HIPK3: variants seen among roughly 807,000 people sequenced by gnomAD.
HIPK3 encodes homeodomain-interacting protein kinase 3.
Under a neutral mutation model 124.2 loss-of-function variants are expected in HIPK3, and 47 were observed. The ratio of observed to expected loss-of-function variants is 0.38; its 90% confidence interval spans 0.30 to 0.48. The LOEUF (loss-of-function observed/expected upper bound fraction) is 0.48, where lower values mean the gene tolerates loss of function less well. Among genes scored for constraint, HIPK3 ranks in the 20% least tolerant of loss-of-function variants. HIPK3 has a pLI of 0.98. For missense variants in HIPK3, 1,286 were observed against 1,454.3 expected, an observed-to-expected ratio of 0.88 and a Z score of 1.88; for synonymous variants, 482 against 515.2, an observed-to-expected ratio of 0.94 and a Z score of 0.87.
chr11:33,300,902 AT>A (rs1353819400), intron 2 of HIPK3, among the ~76,000 whole-genome samples: 2 of 152,058 alleles, frequency 1.3e-5, no homozygotes. Flanking sequence ...TGCCTGTCTA[AT>A]TTTTGTATTG....
chr11:33,344,536 T>A (rs1853437814), intron 8 of HIPK3, among the ~76,000 whole-genome samples: 1 of 152,228 alleles, frequency 6.6e-6, no homozygotes, highest in Admixed American at 6.5e-5. Context: ...TCTTTTTATA[T>A]GGCTTATAAT....
At chr11:33,290,518 A>G (rs1027385218) in intron 2 of HIPK3, among the ~76,000 whole-genome samples, 4 of 151,570 alleles carry the variant, frequency 2.6e-5, no homozygotes, top group African/African-American at 7.3e-5. Context: ...CTTGGGCCCT[A>G]TATTTAGTTC....
intron 13 of HIPK3, 131 bp downstream of exon 13, chr11:33,348,949 G>C: frequency 1.1e-6 from 1 of 929,354 alleles, no homozygotes. Context: ...AGATAACCCA[G>C]TTCTAGACAG....
chr11:33,304,438 TC>T (rs1400301119), intron 2 of HIPK3, among the ~76,000 whole-genome samples: 1 of 151,856 alleles, frequency 6.6e-6, no homozygotes, highest in East Asian at 2.0e-4. Context: ...ATGCCTGTAA[TC>T]CCAGCTACTC....
chr11:33,323,110 A>G (rs1470985330), intron 2 of HIPK3, among the ~76,000 whole-genome samples: 2 of 152,258 alleles, frequency 1.3e-5, no homozygotes, highest in African/African-American at 2.4e-5. Context: ...AATATTGTAT[A>G]CAAGGGAATA....
At chr11:33,289,890 C>T (rs1851654390) in intron 2 of HIPK3, among the ~76,000 whole-genome samples, 1 of 152,142 alleles carries the variant, frequency 6.6e-6, no homozygotes, top group African/African-American at 2.4e-5. Flanking sequence ...TTTTAGCTCC[C>T]ACATATGAGC....
intron 2 of HIPK3, among the ~76,000 whole-genome samples, chr11:33,291,423 G>A (rs1357220956): frequency 6.6e-6 from 1 of 152,184 alleles, no homozygotes; most frequent in Non-Finnish European, 1.5e-5. Flanking sequence ...TCAGGTTTAT[G>A]TGTATTCTAT....
At chr11:33,325,660 T>C (rs1390185530) in intron 2 of HIPK3, among the ~76,000 whole-genome samples, 1 of 152,348 alleles carries the variant, frequency 6.6e-6, no homozygotes, top group East Asian at 1.9e-4. Context: ...TTTGTGTGAC[T>C]CAACCTGTGT....
chr11:33,288,638 A>G (rs746852303), intron 2 of HIPK3, among the ~76,000 whole-genome samples: 2 of 152,228 alleles, frequency 1.3e-5, no homozygotes, highest in Non-Finnish European at 1.5e-5. Flanking sequence ...ATAAAGTGCT[A>G]CAATGTAACA....
At chr11:33,333,575 T>C (rs893351085) in intron 3 of HIPK3, among the ~76,000 whole-genome samples, 1 of 152,188 alleles carries the variant, frequency 6.6e-6, no homozygotes, top group Non-Finnish European at 1.5e-5. Flanking sequence ...GGAAGGCAAA[T>C]ATATTTATAT....
intron 2 of HIPK3, among the ~76,000 whole-genome samples, chr11:33,325,199 C>T (rs141662496): frequency 0.01 from 1,566 of 152,248 alleles, 31 homozygotes; most frequent in African/African-American, 0.036. Flanking sequence ...ATTTGTTGCT[C>T]TTTGTCTGAC....
intron 2 of HIPK3, among the ~76,000 whole-genome samples, chr11:33,293,277 T>C (rs931799149): frequency 3.9e-5 from 6 of 152,208 alleles, no homozygotes; most frequent in Non-Finnish European, 7.3e-5. Context: ...TTTTAGTATA[T>C]TTATAGTTGT....
At chr11:33,264,927 CTT>C (rs1363751634) in intron 1 of HIPK3, among the ~76,000 whole-genome samples, 1 of 152,120 alleles carries the variant, frequency 6.6e-6, no homozygotes, top group African/African-American at 2.4e-5. Flanking sequence ...CATGTTATCT[CTT>C]TAATAATACA....
intron 1 of HIPK3, among the ~76,000 whole-genome samples, chr11:33,272,399 C>CAA (rs879333622): frequency 9.5e-5 from 13 of 137,306 alleles, no homozygotes; most frequent in African/African-American, 3.2e-4. Context: ...ACTCCGTCTC[C>CAA]AAAAAAAAAA....
chr11:33,318,339 T>A (rs930586454), intron 2 of HIPK3, among the ~76,000 whole-genome samples: 3 of 152,154 alleles, frequency 2.0e-5, no homozygotes, highest in African/African-American at 4.8e-5. Flanking sequence ...AGTGCTGGGA[T>A]TATAGGCGTG....
At chr11:33,280,181 A>G (rs183673321) in intron 1 of HIPK3, among the ~76,000 whole-genome samples, 260 of 152,348 alleles carry the variant, frequency 1.7e-3, no homozygotes, top group Non-Finnish European at 2.7e-3. Context: ...ACAAAGGGGT[A>G]GTATTTCAAA....
chr11:33,285,814 C>T (rs1289857908), intron 1 of HIPK3, among the ~76,000 whole-genome samples: 1 of 152,030 alleles, frequency 6.6e-6, no homozygotes, highest in Non-Finnish European at 1.5e-5. Context: ...CTCTGTCTCA[C>T]AGGCTGAAGT....
intron 3 of HIPK3, among the ~76,000 whole-genome samples, chr11:33,334,873 A>T (rs976919917): frequency 2.0e-5 from 3 of 152,192 alleles, no homozygotes; most frequent in Non-Finnish European, 4.4e-5. Flanking sequence ...GCGGCTAAGG[A>T]CATTAGGAGA....
intron 2 of HIPK3, among the ~76,000 whole-genome samples, chr11:33,293,376 C>T (rs1253782237): frequency 3.3e-5 from 5 of 152,056 alleles, no homozygotes; most frequent in African/African-American, 9.7e-5. Flanking sequence ...TGAATATTTA[C>T]ATTACCCTCA....
Sources: allele counts gnomAD v4.1 joint callset (sites outside exome capture counted in the v4.1 genomes callset), GRCh38; gene constraint gnomAD v4.1.1; transcripts MANE v1.5; gene names NCBI Gene and HGNC (gene_info 2026-07-23, HGNC 2026-07-21).